COL28A1: variants seen among roughly 807,000 people sequenced by gnomAD.
The protein encoded by COL28A1 is collagen type XXVIII alpha 1 chain, also known as collagen alpha-1(XXVIII) chain.
Under a neutral mutation model 150.2 loss-of-function variants are expected in COL28A1, and 161 were observed. The ratio of observed to expected loss-of-function variants is 1.07; its 90% CI spans 0.94 to 1.22. COL28A1 has a LOEUF of 1.22. Among genes scored for constraint, COL28A1 ranks in the 50% most tolerant of loss-of-function variants. COL28A1 has a pLI of 0.00. For missense variants in COL28A1, 1,617 were observed against 1,388.3 expected, an observed-to-expected ratio of 1.16 and a Z score of -2.62; for synonymous variants, 552 against 469.7, an observed-to-expected ratio of 1.18 and a Z score of -2.26.
Position 7,515,021 on chromosome 7 carries a change from AG to A in COL28A1, c.882+792del, listed in dbSNP as rs1781344991. ...CCTCCTGCAGACTCCTGGCTCCATGAGAAGCAGGGAGGCCAGAGGAGACTCA... is the reference window on the plus strand; with the variant it reads ...CCTCCTGCAGACTCCTGGCTCCATGAAAGCAGGGAGGCCAGAGGAGACTCA... On this transcript the variant is annotated intron_variant, in intron 8 of 34. Coordinates refer to ENST00000399429, the MANE Select transcript of COL28A1 (RefSeq NM_001037763.3). Among the ~76,000 whole-genome samples the A allele has an allele frequency of 2.6e-5, 4 of 152,284 alleles. No individual in the cohort carries two copies. In the South Asian group the frequency reaches 8.3e-4, roughly 32 times the overall value.
At chr7:7,345,594 T>G in the COL28A1 span, among the ~76,000 whole-genome samples, 1 of 152,132 alleles carries the variant, frequency 6.6e-6, no homozygotes, top group Non-Finnish European at 1.5e-5. Flanking sequence ...ATCTTCATTT[T>G]AAAAGAACAG....
In COL28A1 at chr7:7,429,284, G is replaced by A. The variant is rs1359595594; in HGVS notation, c.1998+3189C>T. ...GAAATTTTGCACACATTTGGGTCCT[G>A]TGCTTCCGCTGCCATGGACAATTTT... is the stretch of plus-strand genomic sequence containing the variant. On this transcript the variant is annotated intron_variant, in intron 25 of 34. Coordinates refer to ENST00000399429, the MANE Select transcript of COL28A1 (RefSeq NM_001037763.3). Among the ~76,000 whole-genome samples the A allele has an allele frequency of 1.3e-5, 2 of 152,148 alleles. 1 individual carries two copies. Among genetic ancestry groups the A allele is most frequent in the Non-Finnish European group, 2.9e-5 (2 of 68,040 alleles).
At chr7:7,412,368 C>T (rs190568470) in intron 27 of COL28A1, among the ~76,000 whole-genome samples, 39 of 152,218 alleles carry the variant, frequency 2.6e-4, no homozygotes, top group Non-Finnish European at 4.3e-4. Context: ...AAACCCTCTA[C>T]TATGTTTGAA....
At chr7:7,393,335 TTCGTCCCAGACGGGTACCCA>T (rs1166573546) in intron 27 of COL28A1, among the ~76,000 whole-genome samples, 1 of 152,222 alleles carries the variant, frequency 6.6e-6, no homozygotes, top group East Asian at 1.9e-4. Context: ...CTCTGGAAGC[TTCGTCCCAGACGGGTACCCA>T]CCAGATGCCA....
At chr7:7,542,540 G>C in the COL28A1 span, among the ~76,000 whole-genome samples, 1 of 152,170 alleles carries the variant, frequency 6.6e-6, no homozygotes, top group African/African-American at 2.4e-5. Flanking sequence ...GCAATATAGT[G>C]TGATAACATC....
Position 7,453,909 on chromosome 7 carries a change from T to C in COL28A1, c.1372-401A>G, listed in dbSNP as rs143385333. On this transcript the variant is annotated intron_variant, in intron 16 of 34. Transcript: ENST00000399429. ...ATTAAGAGAGGGTGGCCATCCAGGA[T>C]CATGCAGATGAGGAAAGCACCCTCA... 1.5e-3 allele frequency among the ~76,000 whole-genome samples: 230 copies of C among 151,578 alleles called. 2 individuals carry two copies. The highest frequency in any genetic ancestry group is 5.2e-3 in the African/African-American group (211 of 40,904).
chr7:7,443,686 C>T lies in COL28A1; in HGVS notation c.1582-33G>A, dbSNP rs139502067. On this transcript the variant is annotated intron_variant, in intron 19 of 34. Transcript: ENST00000399429. ...AAATGACACTGATGTGTTAGCTGAC[C>T]CTCCAGTAGACAGACTGTACGTATC... The T allele has an allele frequency of 6.6e-4, 1,070 of 1,613,196 alleles. 1 individual carries two copies. In the African/African-American group the frequency reaches 8.5e-3, roughly 13 times the overall value.
chr7:7,405,111 T>C (rs1230191757), intron 27 of COL28A1, among the ~76,000 whole-genome samples: 1 of 152,188 alleles, frequency 6.6e-6, no homozygotes, highest in Non-Finnish European at 1.5e-5. Flanking sequence ...TAGCAAGGAT[T>C]GACTAGTGGA....
At chr7:7,474,826 G>A (rs904731640) in intron 14 of COL28A1, among the ~76,000 whole-genome samples, 157 bp from the exon 15 acceptor site, 2 of 152,162 alleles carry the variant, frequency 1.3e-5, no homozygotes, top group Admixed American at 6.6e-5. Context: ...AATTGACTCT[G>A]AGATTTGCAA....
At chr7:7,396,294 A>G (rs1782831338) in intron 27 of COL28A1, among the ~76,000 whole-genome samples, 1 of 152,168 alleles carries the variant, frequency 6.6e-6, no homozygotes, top group South Asian at 2.1e-4. Flanking sequence ...TTGAGCTCAT[A>G]TACTCATTTA....
intron 15 of COL28A1, among the ~76,000 whole-genome samples, chr7:7,462,611 C>A (rs1313329170): frequency 6.6e-6 from 1 of 152,192 alleles, no homozygotes. Flanking sequence ...GTAATCCCAA[C>A]ACTTTGGGAG....
intron 16 of COL28A1, among the ~76,000 whole-genome samples, chr7:7,453,949 C>G (rs1042223024): frequency 6.6e-6 from 1 of 152,172 alleles, no homozygotes; most frequent in Admixed American, 6.5e-5. Flanking sequence ...GGCAGACTAT[C>G]AAGACCGATT....
At chr7:7,395,635 T>C (rs1782793350) in intron 27 of COL28A1, among the ~76,000 whole-genome samples, 2 of 152,080 alleles carry the variant, frequency 1.3e-5, no homozygotes, top group Admixed American at 6.6e-5. Flanking sequence ...TGGAACATGG[T>C]TGGTTGAGAG....
At chr7:7,434,306 A>T (rs1338386340) in intron 23 of COL28A1, among the ~76,000 whole-genome samples, 1 of 152,194 alleles carries the variant, frequency 6.6e-6, no homozygotes. Context: ...ATTTGGGTGT[A>T]TTCCAACTAT....
Position 7,443,609 on chromosome 7 carries a change from A to G in COL28A1, c.1626T>C (p.Pro542=). ...LPGARGPEGP[P]GKGQPGPKGD... ...CCTTGGGGCCAGGCTGTCCTTTTCCAGGTGGTCCTTCTGGGCCTCTTGCTC... is the reference window on the plus strand; with the variant it reads ...CCTTGGGGCCAGGCTGTCCTTTTCCGGGTGGTCCTTCTGGGCCTCTTGCTC... The change falls in exon 20 of 35, where the codon CCT becomes CCC. Residue 542 remains proline, a synonymous_variant. Coordinates refer to ENST00000399429, the MANE Select transcript of COL28A1 (RefSeq NM_001037763.3). 1.2e-6 allele frequency: 2 copies of G among 1,614,098 alleles called. No individual in the cohort carries two copies. The highest frequency in any genetic ancestry group is 1.7e-6 in the Non-Finnish European group (2 of 1,179,996).
intron 11 of COL28A1, among the ~76,000 whole-genome samples, chr7:7,504,509 G>C (rs764555): frequency 1.3e-5 from 2 of 151,878 alleles, no homozygotes; most frequent in African/African-American, 4.8e-5. Context: ...CTAAAAAAGA[G>C]AGAGAGAAGA....
chr7:7,455,989 C>A, intron 16 of COL28A1, 55 bp downstream of exon 16: 1 of 1,605,328 alleles, frequency 6.2e-7, no homozygotes, highest in Non-Finnish European at 8.5e-7. Context: ...CAATGAAGAC[C>A]AGGATTGGGC....
At chr7:7,348,908 A>G in the COL28A1 span, among the ~76,000 whole-genome samples, 4 of 151,888 alleles carry the variant, frequency 2.6e-5, no homozygotes, top group East Asian at 7.7e-4. Flanking sequence ...ACACCCAGAT[A>G]ATTTTTTAAA....
At chr7:7,454,100 T>C (rs1026710444) in intron 16 of COL28A1, among the ~76,000 whole-genome samples, 2 of 152,212 alleles carry the variant, frequency 1.3e-5, no homozygotes, top group Non-Finnish European at 2.9e-5. Context: ...TGCACATATG[T>C]GTACATTTGT....
Sources: gnomAD v4.1 joint callset for allele counts (sites outside exome capture counted in the v4.1 genomes callset) on GRCh38, gnomAD v4.1.1 for gene constraint, MANE v1.5 for transcripts, NCBI Gene and HGNC (gene_info 2026-07-23, HGNC 2026-07-21) for gene names.